The following RSRC1 variants were observed in gnomAD, a reference collection of about 807,000 sequenced individuals.
RSRC1 encodes the protein serine/Arginine-related protein 53.
RSRC1 carries 39 observed loss-of-function variants against 49.1 expected under a neutral mutation model. The observed-to-expected ratio is 0.79, with a 90% CI of 0.61 to 1.04. The LOEUF (loss-of-function observed/expected upper bound fraction) is 1.04, where lower values mean the gene tolerates loss of function less well. RSRC1 is among the 50% of genes least tolerant of loss of function. The pLI, the probability that RSRC1 is intolerant of heterozygous loss-of-function variation, is 0.00. For synonymous variants in RSRC1, 143 were observed against 130.8 expected, an observed-to-expected ratio of 1.09 and a Z score of -0.63; for missense variants, 388 against 402.4, an observed-to-expected ratio of 0.96 and a Z score of 0.31.
intron 5 of RSRC1, among the ~76,000 whole-genome samples, chr3:158,327,144 C>G (rs988280276): frequency 1.3e-5 from 2 of 152,208 alleles, no homozygotes; most frequent in African/African-American, 2.4e-5. Context: ...ATTAGTCTTG[C>G]TAGCGGTCTA....
At position 158,340,280 on chromosome 3, in the gene RSRC1, C is replaced by T. The variant is rs1196479306; in HGVS notation, c.532-14577C>T. On this transcript the variant is annotated intron_variant, in intron 5 of 9. Coordinates refer to ENST00000611884, the MANE Select transcript of RSRC1 (RefSeq NM_001271838.2). ...CTCCCTGGCCAGGCATGGTGGCTTA[C>T]ACCTGTAATCCCAGCACTTTGGGAG... is the stretch of plus-strand genomic sequence containing the variant. Among the ~76,000 whole-genome samples the T allele has an allele frequency of 5.9e-5, 9 of 152,278 alleles. No individual in the cohort carries two copies. In the South Asian group the frequency reaches 6.2e-4, roughly 11 times the overall value.
intron 5 of RSRC1, among the ~76,000 whole-genome samples, chr3:158,340,181 G>T (rs1379569630): frequency 2.6e-5 from 4 of 152,154 alleles, no homozygotes; most frequent in African/African-American, 9.7e-5. Flanking sequence ...TCGTGATAGT[G>T]AATAAGTCTC....
intron 7 of RSRC1, among the ~76,000 whole-genome samples, chr3:158,490,974 C>G (rs1739061396): frequency 6.6e-6 from 1 of 152,166 alleles, no homozygotes; most frequent in African/African-American, 2.4e-5. Context: ...ACAAACTTCT[C>G]TAATAATTTG....
intron 6 of RSRC1, among the ~76,000 whole-genome samples, chr3:158,436,121 G>A (rs573055982): frequency 2.1e-4 from 32 of 151,822 alleles, no homozygotes; most frequent in East Asian, 5.8e-4. Flanking sequence ...AACATTTATC[G>A]AGGAGCTAAT....
intron 4 of RSRC1, among the ~76,000 whole-genome samples, chr3:158,266,822 C>A (rs1349367444): frequency 6.6e-6 from 1 of 151,966 alleles, no homozygotes; most frequent in Non-Finnish European, 1.5e-5. Flanking sequence ...ATCTCGGCTC[C>A]TCCAAGATCA....
chr3:158,397,905 G>A (rs967161248), intron 6 of RSRC1, among the ~76,000 whole-genome samples: 7 of 152,072 alleles, frequency 4.6e-5, no homozygotes, highest in East Asian at 1.9e-4. Context: ...TTAGAAATTG[G>A]TGAAGATTTT....
chr3:158,323,904 C>G (rs1223755685), intron 5 of RSRC1, among the ~76,000 whole-genome samples: 1 of 151,948 alleles, frequency 6.6e-6, no homozygotes, highest in Non-Finnish European at 1.5e-5. Context: ...AGTTCCTTCA[C>G]ATCTTTATTC....
intron 4 of RSRC1, among the ~76,000 whole-genome samples, chr3:158,269,743 C>T (rs1463803792): frequency 7.9e-5 from 12 of 152,120 alleles, no homozygotes; most frequent in Non-Finnish European, 1.6e-4. Context: ...GATCTCTTGA[C>T]CTCGTGATCT....
chr3:158,335,426 G>C (rs1559998723), intron 5 of RSRC1, among the ~76,000 whole-genome samples: 1 of 152,294 alleles, frequency 6.6e-6, no homozygotes, highest in East Asian at 1.9e-4. Flanking sequence ...TATGAAAATG[G>C]TTAAAAAATG....
chr3:158,449,384 A>G (rs910842147), intron 6 of RSRC1, among the ~76,000 whole-genome samples: 11 of 152,106 alleles, frequency 7.2e-5, no homozygotes, highest in African/African-American at 2.2e-4. Flanking sequence ...CAGGAGAAGA[A>G]TAGTTTTTTG....
chr3:158,210,300 A>G (rs2108287405), intron 4 of RSRC1, among the ~76,000 whole-genome samples: 1 of 152,186 alleles, frequency 6.6e-6, no homozygotes. Flanking sequence ...TCACACTTCC[A>G]ATGTGACAGC....
chr3:158,517,086 C>G (rs1242048552), intron 7 of RSRC1, among the ~76,000 whole-genome samples: 1 of 152,206 alleles, frequency 6.6e-6, no homozygotes, highest in Non-Finnish European at 1.5e-5. Flanking sequence ...AGCCATAGAC[C>G]AGAGCTGTTC....
chr3:158,137,020 AT>A (rs1177107213), intron 3 of RSRC1: 1 of 152,206 alleles, frequency 6.6e-6, no homozygotes, highest in Non-Finnish European at 1.5e-5. Flanking sequence ...TTTTAATAAA[AT>A]TTATCCAAAA....
intron 1 of RSRC1, among the ~76,000 whole-genome samples, chr3:158,121,521 A>G (rs2108163489): frequency 6.6e-6 from 1 of 152,300 alleles, no homozygotes; most frequent in Admixed American, 6.5e-5. Context: ...GAGTTTCACA[A>G]GTGAAATGAT....
At chr3:158,499,392 G>GT (rs971507206) in intron 7 of RSRC1, among the ~76,000 whole-genome samples, 57 of 146,938 alleles carry the variant, frequency 3.9e-4, no homozygotes, top group South Asian at 4.3e-4. Flanking sequence ...AAAAAACAGA[G>GT]TTTTTTTTTT....
chr3:158,421,177 G>T (rs913005591), intron 6 of RSRC1, among the ~76,000 whole-genome samples: 2 of 151,892 alleles, frequency 1.3e-5, no homozygotes, highest in Non-Finnish European at 2.9e-5. Flanking sequence ...TCAGAACAAA[G>T]AAGATCAGTA....
chr3:158,361,070 C>G (rs1189864650), intron 6 of RSRC1, among the ~76,000 whole-genome samples: 1 of 152,188 alleles, frequency 6.6e-6, no homozygotes, highest in African/African-American at 2.4e-5. Context: ...ACCCATGTGG[C>G]AGCTTTTCTT....
intron 4 of RSRC1, among the ~76,000 whole-genome samples, chr3:158,208,607 G>C (rs1044937329): frequency 6.6e-6 from 1 of 152,126 alleles, no homozygotes; most frequent in Admixed American, 6.6e-5. Context: ...CTGGTCTCAA[G>C]CAATCCTCTG....
intron 3 of RSRC1, among the ~76,000 whole-genome samples, chr3:158,201,118 G>C (rs934242393): frequency 1.3e-5 from 2 of 152,000 alleles, no homozygotes; most frequent in African/African-American, 4.8e-5. Context: ...TGTTTTTGCT[G>C]GGTATAAAAT....
Sources: gnomAD v4.1 joint callset for allele counts (sites outside exome capture counted in the v4.1 genomes callset) on GRCh38, gnomAD v4.1.1 for gene constraint, MANE v1.5 for transcripts, NCBI Gene and HGNC (gene_info 2026-07-23, HGNC 2026-07-21) for gene names.